JMY: variants seen among roughly 807,000 people sequenced by gnomAD.
JMY encodes the protein junction-mediating and -regulatory protein.
Under a neutral mutation model 103.3 loss-of-function variants are expected in JMY, and 46 were observed. That is an observed-to-expected ratio of 0.45 (90% confidence interval 0.35 to 0.57). The LOEUF is 0.57. JMY is among the 20% of genes least tolerant of loss of function. JMY has a pLI of 0.00. For synonymous variants in JMY, 526 were observed against 489.3 expected (o/e 1.07, Z -0.99); for missense variants, 1,238 against 1,255.2 (o/e 0.99, Z 0.21).
Position 79,237,265 on chromosome 5 carries a change from T to A in JMY, c.615T>A (p.Pro205=). 1 of 1,551,734 alleles carries A rather than the reference T, an allele frequency of 6.4e-7. No homozygotes were observed. The highest frequency in any genetic ancestry group is 8.7e-7 in the Non-Finnish European group (1 of 1,147,510). The change falls in exon 1 of 11, where the codon CCT becomes CCA. Residue 205 remains proline (P), a synonymous_variant. Transcript: ENST00000396137. ...VLEMVKEDEA[P]LALSDAEQPP... ...AAATGGTGAAGGAGGACGAGGCACCTCTGGCGCTCTCGGACGCGGAGCAGC... is the reference window on the plus strand; with the variant it reads ...AAATGGTGAAGGAGGACGAGGCACCACTGGCGCTCTCGGACGCGGAGCAGC...
chr5:79,284,158 C>G, intron 2 of JMY: 1 of 1,564,196 alleles, frequency 6.4e-7, no homozygotes, highest in South Asian at 1.1e-5. Context: ...ACTGGTGGTT[C>G]AAAACCATCA....
chr5:79,278,763 CAAG>C (rs1284247342), intron 2 of JMY, among the ~76,000 whole-genome samples: 4 of 149,108 alleles, frequency 2.7e-5, no homozygotes, highest in African/African-American at 9.9e-5. Context: ...ACCTTGTCTC[CAAG>C]AAGAAGAAAA....
rs747351245 is a variant in JMY at position 79,326,522 on chromosome 5, T to G, written c.*4920T>G. On this transcript the variant is annotated 3_prime_UTR_variant, in exon 11 of 11. Transcript: ENST00000396137. Reference sequence around the variant, plus strand: ...ATGATGCTACCCATACAGTGACTTCTGAGTTCTTTAACTTTGACAGAATCT... The same window carrying G: ...ATGATGCTACCCATACAGTGACTTCGGAGTTCTTTAACTTTGACAGAATCT... The G allele has an allele frequency of 6.9e-6, 1 of 145,338 alleles. No homozygotes were observed. Among genetic ancestry groups the G allele is most frequent in the African/African-American group, 2.9e-5 (1 of 34,944 alleles). 9.0% of individuals were successfully genotyped at this position (145,338 alleles called of 1,614,324 possible).
intron 7 of JMY, among the ~76,000 whole-genome samples, chr5:79,307,666 CA>C (rs1746927551): frequency 6.6e-6 from 1 of 152,144 alleles, no homozygotes; most frequent in Non-Finnish European, 1.5e-5. Flanking sequence ...GATACATATA[CA>C]GAGAGCGAAA....
chr5:79,315,820 A>C (rs1216900617), intron 9 of JMY, among the ~76,000 whole-genome samples, 180 bp from the exon 10 acceptor site: 1 of 152,192 alleles, frequency 6.6e-6, no homozygotes, highest in Admixed American at 6.5e-5. Flanking sequence ...ATTTTCTAAA[A>C]AGAAGGATAA....
chr5:79,243,659 A>T (rs1744804904), intron 1 of JMY, among the ~76,000 whole-genome samples: 1 of 152,186 alleles, frequency 6.6e-6, no homozygotes, highest in Non-Finnish European at 1.5e-5. Context: ...TTTTACTGTA[A>T]AATACAGTTA....
At position 79,315,984 on chromosome 5, in the gene JMY, G is replaced by C. The variant is rs371239797; in HGVS notation, c.2660-16G>C. 3.1e-6 allele frequency: 5 copies of C among 1,609,308 alleles called. No individual in the cohort carries two copies. The highest frequency in any genetic ancestry group is 1.3e-5 in the African/African-American group (1 of 74,734). On this transcript the variant is annotated splice_polypyrimidine_tract_variant and intron_variant, in intron 9 of 10. Coordinates refer to ENST00000396137, the MANE Select transcript of JMY (RefSeq NM_152405.5). ...GCAGTCCTAACTGTAATACTGTTCT[G>C]TTTCATTTTCCAAAGTGAGCTCACC...
chr5:79,273,637 A>G (rs1489129232), intron 1 of JMY, among the ~76,000 whole-genome samples: 1 of 152,204 alleles, frequency 6.6e-6, no homozygotes, highest in Non-Finnish European at 1.5e-5. Context: ...AGTTCAATAT[A>G]TGTTAAGACC....
At chr5:79,247,063 A>G (rs189792315) in intron 1 of JMY, among the ~76,000 whole-genome samples, 1 of 152,308 alleles carries the variant, frequency 6.6e-6, no homozygotes, top group East Asian at 1.9e-4. Flanking sequence ...ACCGGATTCA[A>G]ATCCAAGCCT....
chr5:79,237,183 C>T lies in JMY; in HGVS notation c.533C>T (p.Ser178Phe). ...ARPAPREAQV[S>F]SVRIVSASGT... ...CCGGCGCCCAGAGAGGCCCAGGTGT[C>T]CTCTGTACGGATAGTGAGCGCCTCT... Residue 178 changes from serine (S) to phenylalanine (F), a missense_variant, in exon 1 of 11, where the codon TCC (serine) becomes TTC (phenylalanine). Physicochemically the swap from Ser to Phe is radical, Grantham distance 155. Transcript: ENST00000396137. The T allele has an allele frequency of 5.2e-6, 8 of 1,550,356 alleles. No homozygotes were observed. In the South Asian group the frequency reaches 5.9e-5, roughly 12 times the overall value.
intron 1 of JMY, among the ~76,000 whole-genome samples, chr5:79,244,658 ATT>A (rs369361981): frequency 3.5e-5 from 5 of 143,000 alleles, no homozygotes; most frequent in Non-Finnish European, 6.1e-5. Flanking sequence ...ATGTGTGCCT[ATT>A]TTTTTTTTTT....
chr5:79,316,213 G>A lies in JMY; in HGVS notation c.2873G>A (p.Arg958Gln), dbSNP rs916527945. 1.9e-6 allele frequency: 3 copies of A among 1,613,660 alleles called. No individual in the cohort carries two copies. The highest frequency in any genetic ancestry group is 1.1e-5 in the South Asian group (1 of 91,068). ...TLLPDTDPLT[R>Q]SIHEALRRIK... ...CTACCCGATACAGACCCTCTAACAC[G>A]GAGCATCCATGAAGCTCTTAGAAGA... is the stretch of plus-strand genomic sequence containing the variant. The change falls in exon 10 of 11, where the codon CGG becomes CAG. Residue 958 changes from arginine (R) to glutamine (Q), a missense_variant. Coordinates refer to ENST00000396137, the MANE Select transcript of JMY (RefSeq NM_152405.5).
chr5:79,252,582 C>A (rs1268942728), intron 1 of JMY, among the ~76,000 whole-genome samples: 1 of 152,064 alleles, frequency 6.6e-6, no homozygotes, highest in Non-Finnish European at 1.5e-5. Context: ...CCAGGTATTA[C>A]TGTATTGAGG....
rs1308206173 is a variant in JMY, at chr5:79,323,354, C to G, written c.*1752C>G. On this transcript the variant is annotated 3_prime_UTR_variant, in exon 11 of 11. Coordinates refer to ENST00000396137, the MANE Select transcript of JMY (RefSeq NM_152405.5). The stretch of plus-strand genomic sequence containing the variant: ...TAATACATTGGTTTTAGTTCCCACA[C>G]TATTCCCACATCTTATCTGGGAAGA... The G allele has an allele frequency of 1.3e-5, 2 of 152,224 alleles. No homozygotes were observed. Among genetic ancestry groups the G allele is most frequent in the African/African-American group, 2.4e-5 (1 of 41,446 alleles). The allele number at this position is 152,224 out of a possible 1,614,324, so 9.4% of individuals were successfully genotyped here. A position where few individuals can be genotyped will look rare whatever the true frequency, so the allele number is the denominator to read the frequency against.
rs1341096106 is a variant in JMY at position 79,326,861 on chromosome 5, A to ATGGGTTTTCCG, written c.*5260_*5261insGGGTTTTCCGT. The ATGGGTTTTCCG allele has an allele frequency of 2.0e-5, 3 of 152,346 alleles. No homozygotes were observed. The East Asian group carries it at 5.8e-4, about 29-fold the overall frequency. 9.4% of individuals were successfully genotyped at this position (152,346 alleles called of 1,614,324 possible). ...ATTAAATGGACAGTGTGCACAGTGT[A>ATGGGTTTTCCG]TTGTAAATGCCAACTCTTGCAAATT... On this transcript the variant is annotated 3_prime_UTR_variant, in exon 11 of 11. Coordinates refer to ENST00000396137, the MANE Select transcript of JMY (RefSeq NM_152405.5).
intron 1 of JMY, among the ~76,000 whole-genome samples, chr5:79,251,359 G>C (rs983288942): frequency 6.6e-6 from 1 of 152,106 alleles, no homozygotes; most frequent in Non-Finnish European, 1.5e-5. Flanking sequence ...AGGCTCCTGA[G>C]TTACTGGGAC....
At chr5:79,267,747 T>C (rs376536092) in intron 1 of JMY, among the ~76,000 whole-genome samples, 1 of 152,208 alleles carries the variant, frequency 6.6e-6, no homozygotes, top group Non-Finnish European at 1.5e-5. Flanking sequence ...AACATTTCAT[T>C]GTATGGATGT....
intron 7 of JMY, among the ~76,000 whole-genome samples, chr5:79,311,886 G>A (rs1234110965): frequency 1.3e-5 from 2 of 152,032 alleles, no homozygotes; most frequent in African/African-American, 4.8e-5. Flanking sequence ...GCACTATCTC[G>A]GCTCACTGCA....
At chr5:79,263,098 A>G (rs1210173174) in intron 1 of JMY, among the ~76,000 whole-genome samples, 2 of 152,188 alleles carry the variant, frequency 1.3e-5, no homozygotes, top group Non-Finnish European at 2.9e-5. Context: ...CTATTGAAAG[A>G]TGTTGGCACC....
Sources: gnomAD v4.1 joint callset for allele counts (sites outside exome capture counted in the v4.1 genomes callset) on GRCh38, gnomAD v4.1.1 for gene constraint, MANE v1.5 for transcripts, NCBI Gene and HGNC (gene_info 2026-07-23, HGNC 2026-07-21) for gene names.